Variants in ZNF521 observed in about 807,000 individuals in gnomAD.
ZNF521 encodes the protein LYST-interacting protein 3.
Under a neutral mutation model 105.5 loss-of-function variants are expected in ZNF521, and 14 were observed. The observed-to-expected ratio is 0.13, with a 90% confidence interval of 0.09 to 0.21. The LOEUF (loss-of-function observed/expected upper bound fraction) is 0.21, where lower values mean the gene tolerates loss of function less well. ZNF521 is among the 10% of genes least tolerant of loss of function. The probability of loss-of-function intolerance (pLI) is 1.00; values close to 1 mark genes in which losing one functional copy is unlikely to be tolerated. For synonymous variants in ZNF521, 635 were observed against 606.0 expected (o/e 1.05, Z -0.70); for missense variants, 1,233 against 1,629.7 (o/e 0.76, Z 4.19).
At chr18:25,154,514 A>G (rs1405796693) in intron 5 of ZNF521, among the ~76,000 whole-genome samples, 1 of 152,200 alleles carries the variant, frequency 6.6e-6, no homozygotes, top group Non-Finnish European at 1.5e-5. Flanking sequence ...CAGAAGTTTA[A>G]TCACTCAATC....
intron 2 of ZNF521, among the ~76,000 whole-genome samples, chr18:25,325,936 G>A (rs1913190696): frequency 6.6e-6 from 1 of 152,098 alleles, no homozygotes. Flanking sequence ...CATAAGAATT[G>A]TTATTGCTAT....
At chr18:25,065,910 A>G (rs994486541) in intron 7 of ZNF521, among the ~76,000 whole-genome samples, 1 of 152,224 alleles carries the variant, frequency 6.6e-6, no homozygotes, top group African/African-American at 2.4e-5. Context: ...CACATACATC[A>G]CTTACTACAA....
chr18:25,349,940 C>T (rs1373254609), intron 2 of ZNF521, among the ~76,000 whole-genome samples: 1 of 151,706 alleles, frequency 6.6e-6, no homozygotes, highest in African/African-American at 2.4e-5. Context: ...GCCCGCCCTC[C>T]CCGCTCTCCG....
chr18:25,293,472 C>T (rs1170634962), intron 3 of ZNF521, among the ~76,000 whole-genome samples: 4 of 151,948 alleles, frequency 2.6e-5, no homozygotes, highest in African/African-American at 4.8e-5. Flanking sequence ...TCCAGGAGTA[C>T]AATATTTAAA....
rs769234532 is a variant in ZNF521 at position 25,226,980 on chromosome 18, C to T, written c.938G>A (p.Ser313Asn). 3 of 1,613,978 alleles carry T rather than the reference C, an allele frequency of 1.9e-6. No individual in the cohort carries two copies. The highest frequency in any genetic ancestry group is 1.3e-5 in the African/African-American group (1 of 74,904). ...VHSGEKKNSC[S>N]ICSESFHTVE... is the part of the protein sequence containing the mutation. The stretch of plus-strand genomic sequence containing the variant: ...TGTGTGGAAACTCTCAGAACAAATG[C>T]TGCATGAGTTCTTCTTCTCCCCGCT... The change falls in exon 4 of 8, where the codon AGC becomes AAC. Residue 313 changes from serine (S) to asparagine (N), a missense_variant. By Grantham distance (46) the Ser-to-Asn change is conservative (BLOSUM62 1). Coordinates refer to ENST00000361524, the MANE Select transcript of ZNF521 (RefSeq NM_015461.3). The surrounding 1 kb of genome is among the most constrained non-coding windows in gnomAD (Gnocchi z 4.1).
chr18:25,131,356 G>A (rs182997125), intron 5 of ZNF521, among the ~76,000 whole-genome samples: 2 of 152,050 alleles, frequency 1.3e-5, no homozygotes. Flanking sequence ...TTCATCCCAC[G>A]TACAATTTTC....
chr18:25,227,673 G>A lies in ZNF521; in HGVS notation c.245C>T (p.Pro82Leu), dbSNP rs140546909. The A allele has an allele frequency of 2.4e-5, 38 of 1,612,956 alleles. No homozygotes were observed. Among genetic ancestry groups the A allele is most frequent in the Admixed American group, 2.3e-4 (14 of 59,914 alleles). The change falls in exon 4 of 8, where the codon CCG (proline) becomes CTG (leucine). Residue 82 changes from proline (P) to leucine (L), a missense_variant. Transcript: ENST00000361524. This position sits in a 1 kb window ranked among gnomAD's most constrained non-coding sequence, Gnocchi z 5.7. ...TGAGGAAGCTGGCCAAGAGCAAGTCGGATCATCTTCAACATCCACTCCATC... is the reference window on the plus strand; with the variant it reads ...TGAGGAAGCTGGCCAAGAGCAAGTCAGATCATCTTCAACATCCACTCCATC... Reference protein sequence around the residue: ...LTDGVDVEDDPTCSWPASSPS... With the variant: ...LTDGVDVEDDLTCSWPASSPS...
At chr18:25,304,363 C>T (rs73947303) in intron 3 of ZNF521, among the ~76,000 whole-genome samples, 4,188 of 152,250 alleles carry the variant, frequency 0.028, 209 homozygotes, top group African/African-American at 0.096. Flanking sequence ...ATAAACTCTA[C>T]CCTACCTGAT....
chr18:25,329,197 G>A lies in ZNF521; in HGVS notation c.41-7010C>T, dbSNP rs577045627. Among the ~76,000 whole-genome samples, 4 of 152,292 alleles carry A rather than the reference G, an allele frequency of 2.6e-5. No homozygotes were observed. The East Asian group carries it at 7.7e-4, about 29-fold the overall frequency. On this transcript the variant is annotated intron_variant, in intron 2 of 7. Transcript: ENST00000361524. ...GCAAGTTCAAGTGTTTTGGGATACTGATCCTCAAGGTGACCAGGCACAGCT... is the reference window on the plus strand; with the variant it reads ...GCAAGTTCAAGTGTTTTGGGATACTAATCCTCAAGGTGACCAGGCACAGCT...
intron 3 of ZNF521, among the ~76,000 whole-genome samples, chr18:25,313,119 T>A (rs186512148): frequency 2.0e-5 from 3 of 152,250 alleles, no homozygotes; most frequent in Admixed American, 6.5e-5. Context: ...GAAATAGCCA[T>A]CCAGGTACTA....
intron 2 of ZNF521, among the ~76,000 whole-genome samples, chr18:25,349,650 C>A (rs1914624317): frequency 6.6e-6 from 1 of 151,872 alleles, no homozygotes; most frequent in Non-Finnish European, 1.5e-5. Context: ...TTCCCCGGGC[C>A]GGCGGCGAGT....
intron 5 of ZNF521, among the ~76,000 whole-genome samples, chr18:25,159,508 A>G (rs898947629): frequency 3.3e-5 from 4 of 121,322 alleles, no homozygotes; most frequent in Non-Finnish European, 3.6e-5. Flanking sequence ...AACGACTAAC[A>G]CTAACAAAAA....
intron 3 of ZNF521, among the ~76,000 whole-genome samples, chr18:25,254,119 G>T (rs146569718): frequency 4.1e-4 from 63 of 152,220 alleles, no homozygotes; most frequent in African/African-American, 1.4e-3. Flanking sequence ...AAATAGTAAT[G>T]AAGTCTTTTC....
intron 7 of ZNF521, among the ~76,000 whole-genome samples, chr18:25,065,073 G>A (rs557410809): frequency 2.3e-4 from 35 of 152,170 alleles, no homozygotes; most frequent in African/African-American, 7.9e-4. Flanking sequence ...GATTCTGTTC[G>A]GAAAGGTTAT....
At chr18:25,282,585 A>C (rs1407366470) in intron 3 of ZNF521, among the ~76,000 whole-genome samples, 1 of 152,180 alleles carries the variant, frequency 6.6e-6, no homozygotes, top group Non-Finnish European at 1.5e-5. Context: ...GGACAGGGAA[A>C]TGAAAGGCAA....
At chr18:25,308,777 C>T (rs546679168) in intron 3 of ZNF521, among the ~76,000 whole-genome samples, 1 of 151,438 alleles carries the variant, frequency 6.6e-6, no homozygotes, top group East Asian at 2.0e-4. Context: ...AACTGAATTG[C>T]TGATGAATGC....
intron 3 of ZNF521, among the ~76,000 whole-genome samples, chr18:25,233,931 C>T (rs1035295139): frequency 4.9e-4 from 74 of 152,118 alleles, no homozygotes; most frequent in African/African-American, 1.8e-3. Flanking sequence ...TTCCATCTTC[C>T]GCAGCCAAAT....
intron 3 of ZNF521, among the ~76,000 whole-genome samples, chr18:25,277,371 A>T (rs1287685763): frequency 6.6e-6 from 1 of 152,124 alleles, no homozygotes; most frequent in Non-Finnish European, 1.5e-5. Flanking sequence ...CAAACCAGCT[A>T]GTTTTTCATA....
At chr18:25,212,817 A>C (rs1170022108) in intron 4 of ZNF521, among the ~76,000 whole-genome samples, 1 of 151,038 alleles carries the variant, frequency 6.6e-6, no homozygotes, top group Admixed American at 6.6e-5. Context: ...CCCTATCATA[A>C]GTAGGATTAT....
Sources: allele counts gnomAD v4.1 joint callset (sites outside exome capture counted in the v4.1 genomes callset), GRCh38; gene constraint gnomAD v4.1.1; non-coding constraint Gnocchi (gnomAD v3.1); transcripts MANE v1.5; gene names NCBI Gene and HGNC (gene_info 2026-07-23, HGNC 2026-07-21).